Variants in EPHA3 observed in about 807,000 individuals in gnomAD.
EPHA3 encodes the protein ephrin type-A receptor 3.
In EPHA3, 42 loss-of-function variants were observed where a neutral mutation model predicts 107.1. The ratio of observed to expected loss-of-function variants is 0.39; its 90% CI spans 0.31 to 0.51. The LOEUF is 0.51. EPHA3 is among the 20% of genes least tolerant of loss of function. The pLI is 0.78. For missense variants in EPHA3, 1,183 were observed against 1,211.2 expected, an observed-to-expected ratio of 0.98 and a Z score of 0.35; for synonymous variants, 461 against 424.8, an observed-to-expected ratio of 1.09 and a Z score of -1.05.
intron 5 of EPHA3, among the ~76,000 whole-genome samples, chr3:89,383,639 CTTTTTTT>C (rs71621546): frequency 5.7e-5 from 5 of 87,960 alleles, no homozygotes; most frequent in Admixed American, 5.2e-4. Flanking sequence ...ACTTCTTCTT[CTTTTTTT>C]TTTTTTTTTT....
chr3:89,437,922 G>A (rs1039216700), intron 13 of EPHA3, among the ~76,000 whole-genome samples: 4 of 151,884 alleles, frequency 2.6e-5, no homozygotes, highest in Non-Finnish European at 5.9e-5. Context: ...TCCATTATTC[G>A]ATTTTTTTCT....
intron 15 of EPHA3, among the ~76,000 whole-genome samples, chr3:89,467,041 G>A (rs1248792362): frequency 6.6e-6 from 1 of 152,032 alleles, no homozygotes; most frequent in Non-Finnish European, 1.5e-5. Flanking sequence ...GTTGGGAACT[G>A]TATATATTCA....
intron 2 of EPHA3, among the ~76,000 whole-genome samples, chr3:89,176,656 C>T (rs1246610984): frequency 5.3e-5 from 8 of 151,994 alleles, no homozygotes; most frequent in African/African-American, 9.7e-5. Flanking sequence ...TTTTGTAAAG[C>T]ATCTTACACA....
At chr3:89,157,254 C>G (rs1243402761) in intron 2 of EPHA3, among the ~76,000 whole-genome samples, 2 of 151,938 alleles carry the variant, frequency 1.3e-5, no homozygotes, top group African/African-American at 4.8e-5. Context: ...TTAGAAAAAG[C>G]AAGATTAATG....
At chr3:89,171,898 G>A (rs1424063735) in intron 2 of EPHA3, among the ~76,000 whole-genome samples, 2 of 152,164 alleles carry the variant, frequency 1.3e-5, no homozygotes, top group African/African-American at 2.4e-5. Flanking sequence ...GGGTCATTGT[G>A]TAAGCCTGAC....
rs766437428 is a variant in EPHA3, at chr3:89,449,655, T to G, written c.2496+281T>G. Among the ~76,000 whole-genome samples the G allele has an allele frequency of 1.1e-3, 172 of 152,252 alleles. 5 individuals are homozygous for G. The highest frequency in any genetic ancestry group is 6.8e-3 in the Middle Eastern group (2 of 292). ...GTGACCAATAAGATAACCTCTAGATTCTAATGCACATTGAAGTTTGAAAGT... is the reference window on the plus strand; with the variant it reads ...GTGACCAATAAGATAACCTCTAGATGCTAATGCACATTGAAGTTTGAAAGT... On this transcript the variant is annotated intron_variant, in intron 14 of 16. Transcript: ENST00000336596.
At chr3:89,273,287 C>A (rs1705723802) in intron 3 of EPHA3, among the ~76,000 whole-genome samples, 2 of 151,950 alleles carry the variant, frequency 1.3e-5, no homozygotes, top group Admixed American at 6.6e-5. Flanking sequence ...AAGTAAAAAA[C>A]CTTAAAAGGC....
At chr3:89,411,069 TAAC>T (rs775777927) in intron 9 of EPHA3, among the ~76,000 whole-genome samples, 32 of 151,842 alleles carry the variant, frequency 2.1e-4, no homozygotes, top group Non-Finnish European at 3.2e-4. Flanking sequence ...TAAATGTTCT[TAAC>T]AATAAAAACG....
chr3:89,124,881 C>T lies in EPHA3; in HGVS notation c.89-2328C>T, dbSNP rs190143185. Among the ~76,000 whole-genome samples, 852 of 152,026 alleles carry T rather than the reference C, an allele frequency of 5.6e-3. 8 individuals carry two copies. The highest frequency in any genetic ancestry group is 7.6e-3 in the Non-Finnish European group (514 of 67,792). On this transcript the variant is annotated intron_variant, in intron 1 of 16. Transcript: ENST00000336596. ...CAATAAATTTAATTAATCTTCTACA[C>T]TTACTTTAATTGACTGTATGGTCTA...
At chr3:89,382,504 A>G (rs1708532385) in intron 5 of EPHA3, among the ~76,000 whole-genome samples, 1 of 148,170 alleles carries the variant, frequency 6.7e-6, no homozygotes, top group Non-Finnish European at 1.5e-5. Flanking sequence ...CAAAAATTCC[A>G]TCTCAAAAAA....
chr3:89,476,146 TA>T (rs1710501191), intron 16 of EPHA3, among the ~76,000 whole-genome samples: 2 of 147,566 alleles, frequency 1.4e-5, no homozygotes, highest in Admixed American at 1.4e-4. Context: ...ATATTATATA[TA>T]ATATATAATG....
At chr3:89,195,116 T>G (rs1486024426) in intron 2 of EPHA3, among the ~76,000 whole-genome samples, 3 of 152,106 alleles carry the variant, frequency 2.0e-5, no homozygotes, top group Non-Finnish European at 2.9e-5. Context: ...TGTAATTTTT[T>G]TTTCTGAATT....
intron 3 of EPHA3, among the ~76,000 whole-genome samples, chr3:89,291,641 G>A (rs1706207937): frequency 6.6e-6 from 1 of 152,100 alleles, no homozygotes; most frequent in South Asian, 2.1e-4. Context: ...TCAATTGTAG[G>A]CACTTAAAAC....
At chr3:89,179,927 T>G (rs542000975) in intron 2 of EPHA3, among the ~76,000 whole-genome samples, 5 of 142,528 alleles carry the variant, frequency 3.5e-5, no homozygotes, top group Admixed American at 2.8e-4. Flanking sequence ...GAGAGCAGGG[T>G]TTTTTTTTTT....
intron 1 of EPHA3, among the ~76,000 whole-genome samples, chr3:89,108,079 C>T (rs1212827506): frequency 2.0e-5 from 3 of 151,984 alleles, no homozygotes; most frequent in Non-Finnish European, 2.9e-5. Context: ...GAGCAATTAC[C>T]TTGTTTGCCA....
intron 6 of EPHA3, among the ~76,000 whole-genome samples, chr3:89,397,083 C>A (rs58682141): frequency 0.015 from 2,311 of 152,110 alleles, 42 homozygotes; most frequent in African/African-American, 0.053. Flanking sequence ...GTGCAAACTG[C>A]GTAATGTAAA....
At position 89,413,229 on chromosome 3, in the gene EPHA3, T is replaced by C. The variant is rs776130676; in HGVS notation, c.1851T>C (p.Asp617=). The change falls in exon 10 of 17, where the codon GAT becomes GAC. Residue 617 remains aspartate, a synonymous_variant. Transcript: ENST00000336596. ...TTCATGAGTTTGCCAAGGAATTGGA[T>C]GCCACCAACATATCCATTGATAAAG... ...QAVHEFAKEL[D]ATNISIDKVV... is the part of the protein sequence containing the mutation. 1.2e-6 allele frequency: 2 copies of C among 1,611,814 alleles called. No homozygotes were observed. Among genetic ancestry groups the C allele is most frequent in the Admixed American group, 1.7e-5 (1 of 59,880 alleles).
At chr3:89,173,065 G>T (rs1301137926) in intron 2 of EPHA3, among the ~76,000 whole-genome samples, 9 of 152,024 alleles carry the variant, frequency 5.9e-5, no homozygotes, top group Non-Finnish European at 1.3e-4. Flanking sequence ...TGTTTCATAT[G>T]TACATAGGTA....
chr3:89,133,308 C>A (rs1317296854), intron 2 of EPHA3, among the ~76,000 whole-genome samples: 1 of 152,146 alleles, frequency 6.6e-6, no homozygotes, highest in Non-Finnish European at 1.5e-5. Flanking sequence ...GACAAAAGTT[C>A]GCATACAATC....
Sources: gnomAD v4.1 joint callset for allele counts (sites outside exome capture counted in the v4.1 genomes callset) on GRCh38, gnomAD v4.1.1 for gene constraint, MANE v1.5 for transcripts, NCBI Gene and HGNC (gene_info 2026-07-23, HGNC 2026-07-21) for gene names.